EP400: variants seen among roughly 807,000 people sequenced by gnomAD.
The protein encoded by EP400 is E1A-binding protein p400.
Under a neutral mutation model 354.1 loss-of-function variants are expected in EP400, and 105 were observed. The ratio of observed to expected loss-of-function variants is 0.30; its 90% CI spans 0.25 to 0.35. EP400 has a LOEUF of 0.35. EP400 is among the 10% of genes least tolerant of loss of function. The probability of loss-of-function intolerance (pLI) is 1.00; values close to 1 mark genes in which losing one functional copy is unlikely to be tolerated. For missense variants in EP400, 3,280 were observed against 4,121.0 expected (o/e 0.80, Z 5.59); for synonymous variants, 1,646 against 1,716.9 (o/e 0.96, Z 1.02).
At chr12:132,030,201 C>T in intron 29 of EP400, 43 bp downstream of exon 29, 1 of 1,607,424 alleles carries the variant, frequency 6.2e-7, no homozygotes, top group Non-Finnish European at 8.5e-7. Flanking sequence ...GGGTCAGTCA[C>T]TGGTGTTGAA....
At position 132,062,095 on chromosome 12, in the gene EP400, G is replaced by C. The variant is rs1332743402; in HGVS notation, c.7885-15G>C. On this transcript the variant is annotated splice_polypyrimidine_tract_variant and intron_variant, in intron 45 of 52. Coordinates refer to ENST00000389561, the MANE Select transcript of EP400 (RefSeq NM_015409.5). ...TGTGAAATATTTGATGAGGTCCTCT[G>C]TTTGCCTTTTCTAGACGCCGGGAGG... 14 of 1,608,286 alleles carry C rather than the reference G, an allele frequency of 8.7e-6. No homozygotes were observed. The highest frequency in any genetic ancestry group is 1.2e-5 in the Non-Finnish European group (14 of 1,178,822).
At position 132,028,129 on chromosome 12, in the gene EP400, T is replaced by A. The variant is rs764547735; in HGVS notation, c.5222T>A (p.Leu1741Gln). 4.3e-6 allele frequency: 7 copies of A among 1,614,096 alleles called. No individual in the cohort carries two copies. Among genetic ancestry groups the A allele is most frequent in the South Asian group, 3.3e-5 (3 of 91,090 alleles). The change falls in exon 27 of 53, where the codon CTG becomes CAG. Residue 1741 changes from leucine to glutamine, a missense_variant. This residue lies in a region of EP400 where 459 missense variants were observed against 496.9 expected (regional missense o/e 0.92). Transcript: ENST00000389561. The part of the protein sequence containing the change: ...YGRDLLRICA[L>Q]PSHGRVQWRG... ...AGAGACTTGCTAAGGATTTGTGCCCTGCCTAGCCATGGAAGGGTACAGTGG... is the reference window on the plus strand; with the variant it reads ...AGAGACTTGCTAAGGATTTGTGCCCAGCCTAGCCATGGAAGGGTACAGTGG...
At chr12:132,023,299 ATTTTT>A (rs767816284) in intron 23 of EP400, among the ~76,000 whole-genome samples, 7 of 71,078 alleles carry the variant, frequency 9.8e-5, no homozygotes, top group African/African-American at 4.2e-4. Context: ...TGCCCAGCTA[ATTTTT>A]TTTTTTTTTT....
chr12:131,966,038 CAAAA>C (rs542519203), intron 2 of EP400, among the ~76,000 whole-genome samples: 2 of 108,780 alleles, frequency 1.8e-5, no homozygotes, highest in Admixed American at 9.5e-5. Flanking sequence ...TGGCTGATTT[CAAAA>C]AAAAAAAAAA....
intron 1 of EP400, among the ~76,000 whole-genome samples, chr12:131,959,658 C>G (rs1372171994): frequency 6.6e-6 from 1 of 152,220 alleles, no homozygotes; most frequent in African/African-American, 2.4e-5. Context: ...GCAACTCACC[C>G]CAGAGTGAGA....
rs1266397722 is a variant in EP400 at position 132,020,229 on chromosome 12, C to T, written c.4447+11C>T. On this transcript the variant is annotated intron_variant, in intron 22 of 52. Coordinates refer to ENST00000389561, the MANE Select transcript of EP400 (RefSeq NM_015409.5). ...ATCCGGAGGCAAAAGGTAGACTTCA[C>T]GTAGTTGTCTGCTCTCCGCCTTATG... 5 of 1,591,398 alleles carry T rather than the reference C, an allele frequency of 3.1e-6. No individual in the cohort carries two copies. The highest frequency in any genetic ancestry group is 2.3e-5 in the East Asian group (1 of 43,678).
chr12:131,954,816 C>T (rs1057172863), intron 1 of EP400, among the ~76,000 whole-genome samples: 7 of 150,264 alleles, frequency 4.7e-5, no homozygotes, highest in Non-Finnish European at 8.8e-5. Flanking sequence ...TTGCTTGTGG[C>T]CAGGAGTTTA....
At chr12:132,069,693 T>A in intron 51 of EP400, 52 bp downstream of exon 51, 1 of 1,603,680 alleles carries the variant, frequency 6.2e-7, no homozygotes, top group Non-Finnish European at 8.5e-7. Context: ...GTGCCCGGCC[T>A]TTGGATTGTG....
Position 132,030,101 on chromosome 12 carries a change from C to T in EP400, c.5697C>T (p.Asn1899=), listed in dbSNP as rs760894867. 5 of 1,614,238 alleles carry T rather than the reference C, an allele frequency of 3.1e-6. No individual in the cohort carries two copies. The highest frequency in any genetic ancestry group is 1.7e-5 in the Admixed American group (1 of 60,034). Residue 1899 remains asparagine (N), a synonymous_variant, in exon 29 of 53, where the codon AAC becomes AAT. Coordinates refer to ENST00000389561, the MANE Select transcript of EP400 (RefSeq NM_015409.5). Reference sequence around the variant, plus strand: ...TGGACATTTTAGAGATGTTCTTGAACTTCCATTACCTCACCTATGTAAGAA... The same window carrying T: ...TGGACATTTTAGAGATGTTCTTGAATTTCCATTACCTCACCTATGTAAGAA... ...LMLDILEMFL[N]FHYLTYVRID...
chr12:131,995,081 T>C (rs1893158665), intron 12 of EP400, 125 bp downstream of exon 12: 2 of 879,182 alleles, frequency 2.3e-6, no homozygotes, highest in Admixed American at 4.5e-5. Flanking sequence ...AAACAGTCCC[T>C]GTGTGCCTCC....
At chr12:132,036,002 G>A (rs1346621254) in intron 30 of EP400, among the ~76,000 whole-genome samples, 1 of 147,762 alleles carries the variant, frequency 6.8e-6, no homozygotes, top group East Asian at 2.0e-4. Flanking sequence ...CGTCATGGAA[G>A]GGCACACCCA....
chr12:132,031,488 G>T (rs144085114), intron 29 of EP400: 6 of 436,686 alleles, frequency 1.4e-5, no homozygotes, highest in African/African-American at 1.0e-4. Flanking sequence ...CTGGAATACA[G>T]TGCGGGGACC....
In EP400 at chr12:132,021,258, G is replaced by A. The variant is rs974834330; in HGVS notation, c.4627G>A (p.Ala1543Thr). The change falls in exon 23 of 53, where the codon GCC becomes ACC. Residue 1543 changes from alanine to threonine, a missense_variant. By Grantham distance (58) the Ala-to-Thr change is moderately conservative. This residue lies in a region of EP400 where 342 missense variants were observed against 342.7 expected (regional missense o/e 1.00). Transcript: ENST00000389561. ...CCAGCCCCAGGCCCCCTCGCACGCG[G>A]CCGGGCAGAGCGCGCTGCCTCAGAG... is the stretch of plus-strand genomic sequence containing the variant. Reference protein sequence around the residue: ...PPQPQAPSHAAGQSALPQRLV... With the variant: ...PPQPQAPSHATGQSALPQRLV... The A allele has an allele frequency of 6.5e-6, 10 of 1,537,822 alleles. No individual in the cohort carries two copies. The African/African-American group carries it at 1.4e-4, about 21-fold the overall frequency.
At position 132,045,505 on chromosome 12, in the gene EP400, A is replaced by G; in HGVS notation, c.6971A>G (p.Glu2324Gly). The change falls in exon 38 of 53, where the codon GAG (glutamate) becomes GGG (glycine). Residue 2324 changes from glutamate (E) to glycine (G), a missense_variant. Around this residue, in one of 20 missense-constraint regions of EP400, gnomAD observed 231 missense variants for 257.9 expected, o/e 0.90. Coordinates refer to ENST00000389561, the MANE Select transcript of EP400 (RefSeq NM_015409.5). ...CCAACTTTTGCCAAACCCACAGCTGAGCCTGGTCAAGACAACCCCGAGTGG... is the reference window on the plus strand; with the variant it reads ...CCAACTTTTGCCAAACCCACAGCTGGGCCTGGTCAAGACAACCCCGAGTGG... ...PLPTFAKPTAEPGQDNPEWLI... is the reference protein window; with the variant it reads ...PLPTFAKPTAGPGQDNPEWLI... 6.2e-7 allele frequency: 1 copy of G among 1,614,172 alleles called. No homozygotes were observed. Among genetic ancestry groups the G allele is most frequent in the African/African-American group, 1.3e-5 (1 of 75,052 alleles).
intron 1 of EP400, among the ~76,000 whole-genome samples, chr12:131,957,816 G>A (rs1366788537): frequency 1.3e-5 from 2 of 151,854 alleles, no homozygotes; most frequent in Admixed American, 1.3e-4. Context: ...GGCTGGTGTC[G>A]AACTCCTGAC....
intron 2 of EP400, among the ~76,000 whole-genome samples, chr12:131,978,490 T>C (rs770021274): frequency 1.1e-4 from 16 of 152,212 alleles, no homozygotes; most frequent in Non-Finnish European, 1.9e-4. Flanking sequence ...ATGTAGCATG[T>C]CGCCTTTTCA....
intron 1 of EP400, among the ~76,000 whole-genome samples, chr12:131,950,753 T>G (rs1361464060): frequency 6.6e-6 from 1 of 152,188 alleles, no homozygotes; most frequent in Non-Finnish European, 1.5e-5. Flanking sequence ...TCCCAGTGCT[T>G]TATTAGTAAT....
At chr12:131,966,739 A>T (rs1171007756) in intron 2 of EP400, among the ~76,000 whole-genome samples, 1 of 150,160 alleles carries the variant, frequency 6.7e-6, no homozygotes, top group Non-Finnish European at 1.5e-5. Flanking sequence ...CTCCATCTCT[A>T]CTAAAAATAC....
At chr12:131,966,562 C>CAAAAAAAAAAAAAAAAAAAAAAAAAAA (rs534384776) in intron 2 of EP400, among the ~76,000 whole-genome samples, 1 of 57,518 alleles carries the variant, frequency 1.7e-5, no homozygotes, top group East Asian at 6.6e-4. Context: ...TACCCTACCT[C>CAAAAAAAAAAAAAAAAAAAAAAAAAAA]AAAAAAAAAA....
Sources: gnomAD v4.1 joint callset for allele counts (sites outside exome capture counted in the v4.1 genomes callset) on GRCh38, gnomAD v4.1.1 for gene constraint, gnomAD v4.1.1 regional missense constraint, MANE v1.5 for transcripts, NCBI Gene and HGNC (gene_info 2026-07-23, HGNC 2026-07-21) for gene names.